The following TMBIM4 variants were observed in gnomAD, a reference collection of about 807,000 sequenced individuals.
The protein encoded by TMBIM4 is transmembrane BAX inhibitor motif containing 4.
A neutral mutation model predicts 27.7 loss-of-function variants in TMBIM4; 28 were observed. That is an observed-to-expected ratio of 1.01 (90% CI 0.75 to 1.38). The LOEUF (loss-of-function observed/expected upper bound fraction) is 1.38. Ranked by LOEUF, TMBIM4 falls within the 40% of genes most tolerant of loss-of-function variation. The pLI is 0.00. For missense variants in TMBIM4, 265 were observed against 277.5 expected, an observed-to-expected ratio of 0.95 and a Z score of 0.32; for synonymous variants, 115 against 113.1, an observed-to-expected ratio of 1.02 and a Z score of -0.11.
chr12:66,148,706 G>A (rs958315609), intron 3 of TMBIM4, among the ~76,000 whole-genome samples: 4 of 152,114 alleles, frequency 2.6e-5, no homozygotes, highest in African/African-American at 7.2e-5. Flanking sequence ...TCACTAAATT[G>A]TCATTCAAAT....
chr12:66,160,699 T>C (rs1033568060), intron 1 of TMBIM4, among the ~76,000 whole-genome samples: 3 of 152,208 alleles, frequency 2.0e-5, no homozygotes, highest in Non-Finnish European at 4.4e-5. Flanking sequence ...AAATGCAAAC[T>C]TGGGGAGAGC....
In TMBIM4 at chr12:66,146,656, A is replaced by G. The variant is rs1055892630; in HGVS notation, c.347-698T>C. Among the ~76,000 whole-genome samples the G allele has an allele frequency of 3.5e-4, 53 of 152,302 alleles. 1 individual carries two copies. The highest frequency in any genetic ancestry group is 1.2e-3 in the African/African-American group (51 of 41,566). On this transcript the variant is annotated intron_variant, in intron 4 of 6. Transcript: ENST00000358230. ...GGCTATTGTAATAAAACTCCTTAAC[A>G]TTTTAATAAATTGCAAAGTTATAAC...
chr12:66,166,464 C>CAAA (rs59822799), intron 1 of TMBIM4, among the ~76,000 whole-genome samples: 41 of 100,668 alleles, frequency 4.1e-4, no homozygotes, highest in African/African-American at 1.2e-3. Flanking sequence ...TACTTTGTCT[C>CAAA]AAAAAAAAAA....
chr12:66,144,279 G>A (rs759249000), intron 5 of TMBIM4, among the ~76,000 whole-genome samples: 1 of 151,982 alleles, frequency 6.6e-6, no homozygotes, highest in Non-Finnish European at 1.5e-5. Flanking sequence ...GTCCCACCCC[G>A]AAAAACTACT....
At chr12:66,169,309 A>T (rs1200448189) in intron 1 of TMBIM4, 1 of 695,476 alleles carries the variant, frequency 1.4e-6, no homozygotes, top group Non-Finnish European at 2.6e-6. Flanking sequence ...TTCTGTGTTG[A>T]GCAACTTCCT....
intron 3 of TMBIM4, among the ~76,000 whole-genome samples, chr12:66,149,586 G>A (rs1044336281): frequency 2.0e-5 from 3 of 151,978 alleles, no homozygotes; most frequent in African/African-American, 7.3e-5. Context: ...AAACAGGATG[G>A]TATAAATAAG....
intron 1 of TMBIM4, among the ~76,000 whole-genome samples, chr12:66,165,421 T>G (rs1305758955): frequency 5.4e-5 from 8 of 148,458 alleles, no homozygotes; most frequent in African/African-American, 1.7e-4. Flanking sequence ...ATATGATCCT[T>G]TTTTTTTTTT....
At chr12:66,169,302 T>C (rs2052190665) in intron 1 of TMBIM4, 1 of 696,564 alleles carries the variant, frequency 1.4e-6, no homozygotes, top group East Asian at 2.7e-5. Flanking sequence ...AGGAAGCTTC[T>C]GTGTTGAGCA....
chr12:66,138,777 A>T lies in TMBIM4; in HGVS notation c.465-8T>A. On this transcript the variant is annotated splice_polypyrimidine_tract_variant and splice_region_variant and intron_variant, in intron 5 of 6. Coordinates refer to ENST00000358230, the MANE Select transcript of TMBIM4 (RefSeq NM_016056.4). ...CACAAAAGAGCAAACAGCCTATAAA[A>T]ATACAATTTTAGTAATTTGCAATAT... 6.5e-7 allele frequency: 1 copy of T among 1,538,996 alleles called. No individual in the cohort carries two copies.
chr12:66,155,466 AG>A (rs1357182396), intron 1 of TMBIM4, among the ~76,000 whole-genome samples: 1 of 151,978 alleles, frequency 6.6e-6, no homozygotes, highest in Non-Finnish European at 1.5e-5. Context: ...CAGCCTGCCC[AG>A]TAGCTAGTAC....
At chr12:66,167,952 G>T (rs182552529) in intron 1 of TMBIM4, among the ~76,000 whole-genome samples, 6 of 152,334 alleles carry the variant, frequency 3.9e-5, no homozygotes, top group African/African-American at 1.4e-4. Context: ...AGGTGCAGTG[G>T]CTCATGCCTG....
chr12:66,153,224 C>A (rs181005946), intron 2 of TMBIM4, 116 bp downstream of exon 2: 9 of 658,998 alleles, frequency 1.4e-5, no homozygotes, highest in Admixed American at 3.4e-5. Flanking sequence ...AGTAAATGAA[C>A]CTTTTTTACA....
intron 1 of TMBIM4, among the ~76,000 whole-genome samples, 175 bp downstream of exon 1, chr12:66,169,680 T>C (rs963889962): frequency 2.6e-5 from 4 of 152,128 alleles, no homozygotes; most frequent in African/African-American, 9.7e-5. Flanking sequence ...CCTCCCCGAC[T>C]CCCTGAGGAG....
chr12:66,158,215 G>C (rs2051972502), intron 1 of TMBIM4, among the ~76,000 whole-genome samples: 1 of 117,152 alleles, frequency 8.5e-6, no homozygotes, highest in Non-Finnish European at 1.7e-5. Flanking sequence ...GACAGAGTGA[G>C]ACTCCGTCTC....
intron 1 of TMBIM4, chr12:66,160,414 G>C: frequency 1.8e-6 from 1 of 563,968 alleles, no homozygotes; most frequent in South Asian, 2.4e-5. Context: ...AGATATAAAA[G>C]GATGTTCCCT....
At chr12:66,138,195 TTA>T in intron 6 of TMBIM4, 29 bp from the exon 7 acceptor site, 1 of 1,594,176 alleles carries the variant, frequency 6.3e-7, no homozygotes, top group Non-Finnish European at 8.5e-7. Context: ...AGAAATATGT[TTA>T]TATTTGAGAA....
At chr12:66,144,499 C>T (rs1239435814) in intron 5 of TMBIM4, among the ~76,000 whole-genome samples, 1 of 152,028 alleles carries the variant, frequency 6.6e-6, no homozygotes, top group East Asian at 1.9e-4. Flanking sequence ...AGAGAAGAAC[C>T]ATCCCTGGGA....
At chr12:66,154,074 T>C (rs2051895247) in intron 1 of TMBIM4, among the ~76,000 whole-genome samples, 1 of 152,162 alleles carries the variant, frequency 6.6e-6, no homozygotes, top group Non-Finnish European at 1.5e-5. Flanking sequence ...TAAAGTCTTC[T>C]GATATACAGT....
At position 66,152,276 on chromosome 12, in the gene TMBIM4, CA is replaced by C; in HGVS notation, c.306del (p.Phe102LeufsTer9). 1.3e-6 allele frequency: 2 copies of C among 1,572,670 alleles called. No homozygotes were observed. Among genetic ancestry groups the C allele is most frequent in the South Asian group, 1.2e-5 (1 of 83,134 alleles). On this transcript the variant is annotated frameshift_variant, in exon 3 of 7. Transcript: ENST00000358230. LOFTEE classifies it high-confidence loss of function. Reference protein sequence around the residue: ...HKYPLNLYLLFGFTLLEALTV... With the variant: ...HKYPLNLYLLXGFTLLEALTV... ...GAGAAAGTCAGAGTACTCACAAATC[CA>C]AAAAGTAGGTACAGGTTAAGGGGAT...
Sources: gnomAD v4.1 joint callset for allele counts (sites outside exome capture counted in the v4.1 genomes callset) on GRCh38, gnomAD v4.1.1 for gene constraint, MANE v1.5 for transcripts, NCBI Gene and HGNC (gene_info 2026-07-23, HGNC 2026-07-21) for gene names.